SMCO2: variants seen among roughly 807,000 people sequenced by gnomAD.
SMCO2 encodes the protein single-pass membrane and coiled-coil domain-containing protein 2.
SMCO2 carries 25 observed loss-of-function variants against 29.5 expected under a neutral mutation model. The observed-to-expected ratio is 0.85, with a 90% CI of 0.62 to 1.18. The LOEUF is 1.18. SMCO2 is among the 50% of genes most tolerant of loss of function. The pLI, the probability that SMCO2 is intolerant of heterozygous loss-of-function variation, is 0.00. For synonymous variants in SMCO2, 117 were observed against 123.3 expected, an observed-to-expected ratio of 0.95 and a Z score of 0.34; for missense variants, 348 against 344.5, an observed-to-expected ratio of 1.01 and a Z score of -0.08.
rs532822095 is a variant in SMCO2, at chr12:27,494,215, G to A, written c.451-85G>A. The stretch of plus-strand genomic sequence containing the variant: ...TAAACTTCAATGAAGCATTTTATAA[G>A]GTTTGTCAAAATAAGTGAGATTTTA... On this transcript the variant is annotated intron_variant, in intron 5 of 7. Coordinates refer to ENST00000298876, the Ensembl canonical transcript of SMCO2. The A allele has an allele frequency of 4.8e-6, 4 of 836,472 alleles. No homozygotes were observed. The African/African-American group carries it at 5.4e-5, about 11-fold the overall frequency. The allele number at this position is 836,472 out of a possible 1,614,324, so 51.8% of individuals were successfully genotyped here. A position where few individuals can be genotyped will look rare whatever the true frequency, so the allele number is the denominator to read the frequency against.
At chr12:27,471,692 C>G (rs1409566194) in intron 2 of SMCO2, among the ~76,000 whole-genome samples, 2 of 152,084 alleles carry the variant, frequency 1.3e-5, no homozygotes, top group Non-Finnish European at 1.5e-5. Flanking sequence ...TACACATAGG[C>G]AAAATACTCA....
At chr12:27,470,180 G>T (rs1036281786) in intron 1 of SMCO2, among the ~76,000 whole-genome samples, 62 of 152,270 alleles carry the variant, frequency 4.1e-4, no homozygotes, top group Non-Finnish European at 7.5e-4. Context: ...AATATTAACA[G>T]TGGTTAAGTC....
At chr12:27,459,615 C>G in the SMCO2 span, among the ~76,000 whole-genome samples, 8 of 152,116 alleles carry the variant, frequency 5.3e-5, no homozygotes, top group Non-Finnish European at 1.2e-4. Context: ...ACCCCGGAAC[C>G]AAAAATAAAA....
chr12:27,489,620 G>A (rs760933142), intron 5 of SMCO2, among the ~76,000 whole-genome samples: 2 of 152,080 alleles, frequency 1.3e-5, no homozygotes, highest in Non-Finnish European at 2.9e-5. Context: ...TCATTTATTT[G>A]GACCTCTTAC....
rs780488200 is a variant in SMCO2 at position 27,474,903 on chromosome 12, C to T, written c.352C>T (p.Leu118Phe). The T allele has an allele frequency of 3.9e-6, 6 of 1,550,866 alleles. No homozygotes were observed. In the East Asian group the frequency reaches 1.5e-4, roughly 38 times the overall value. ...ATCTCTGCAGTTTTCAAAGAAGAAC[C>T]TCCTTGAACTGTAAGTCTTGACACA... Residue 118 changes from leucine to phenylalanine, a missense_variant, in exon 4 of 8, where the codon CTC becomes TTC. Physicochemically the swap from Leu to Phe is conservative, Grantham distance 22. Coordinates refer to ENST00000298876, the Ensembl canonical transcript of SMCO2.
intron 4 of SMCO2, among the ~76,000 whole-genome samples, chr12:27,481,255 C>T (rs2135557807): frequency 6.6e-6 from 1 of 152,310 alleles, no homozygotes; most frequent in East Asian, 1.9e-4. Context: ...CCCTGACAAA[C>T]TTTGTCTGAA....
chr12:27,477,634 C>CTTTTTTTTTTTTT (rs3051833), intron 4 of SMCO2, among the ~76,000 whole-genome samples: 2 of 109,662 alleles, frequency 1.8e-5, no homozygotes, highest in Admixed American at 9.1e-5. Context: ...CTTTTTCATT[C>CTTTTTTTTTTTTT]TTTTTTTTTT....
At chr12:27,451,778 A>C in the SMCO2 span, among the ~76,000 whole-genome samples, 9,762 of 152,242 alleles carry the variant, frequency 0.064, 359 homozygotes, top group African/African-American at 0.091. Flanking sequence ...CAAATATGCA[A>C]TCTGTGAATA....
chr12:27,460,371 C>T, the SMCO2 span, among the ~76,000 whole-genome samples: 1 of 152,122 alleles, frequency 6.6e-6, no homozygotes, highest in Non-Finnish European at 1.5e-5. Flanking sequence ...GACCAGAAGC[C>T]TTATCAATTA....
intron 4 of SMCO2, among the ~76,000 whole-genome samples, chr12:27,483,712 G>A (rs944135819): frequency 3.3e-5 from 5 of 152,050 alleles, no homozygotes; most frequent in East Asian, 1.9e-4. Context: ...GGCGTGAACC[G>A]TTATGCCCAT....
intron 4 of SMCO2, among the ~76,000 whole-genome samples, chr12:27,483,662 C>T (rs994657090): frequency 6.6e-6 from 1 of 152,154 alleles, no homozygotes; most frequent in African/African-American, 2.4e-5. Context: ...TGGCCTCAAG[C>T]AATCCCCCTG....
the SMCO2 span, among the ~76,000 whole-genome samples, chr12:27,428,454 G>C: frequency 2.6e-5 from 4 of 152,110 alleles, no homozygotes; most frequent in Non-Finnish European, 5.9e-5. Context: ...TTGAGTATGT[G>C]AGCCTCAATC....
Position 27,502,073 on chromosome 12 carries a change from G to T in SMCO2, c.834G>T (p.Met278Ile). Residue 278 changes from methionine (M) to isoleucine (I), a missense_variant, in exon 8 of 8, where the codon ATG becomes ATT. Transcript: ENST00000298876. ...GCACCACATGGGACCTACGGGAGAT[G>T]AGAGAGCCTTTCTTGAATTTGGAAG... 7 of 1,544,716 alleles carry T rather than the reference G, an allele frequency of 4.5e-6. 1 individual carries two copies. Among genetic ancestry groups the T allele is most frequent in the Non-Finnish European group, 6.1e-6 (7 of 1,144,890 alleles).
chr12:27,490,148 A>C (rs1373476755), intron 5 of SMCO2, among the ~76,000 whole-genome samples: 1 of 152,246 alleles, frequency 6.6e-6, no homozygotes, highest in Admixed American at 6.5e-5. Context: ...ACTGCAGTAC[A>C]CGTACGTGAT....
Position 27,495,664 on chromosome 12 carries a change from T to G in SMCO2, c.508-16T>G. ...TTAGAATTTTTTTAAGGTACTTGATTACTCTTTTTTTTCAGGACCTTTGCA... is the reference window on the plus strand; with the variant it reads ...TTAGAATTTTTTTAAGGTACTTGATGACTCTTTTTTTTCAGGACCTTTGCA... On this transcript the variant is annotated splice_polypyrimidine_tract_variant and intron_variant, in intron 6 of 7. Coordinates refer to ENST00000298876, the Ensembl canonical transcript of SMCO2. 1 of 1,452,814 alleles carries G rather than the reference T, an allele frequency of 6.9e-7. No homozygotes were observed. The highest frequency in any genetic ancestry group is 9.2e-7 in the Non-Finnish European group (1 of 1,083,516). The allele number at this position is 1,452,814 out of a possible 1,614,324, so 90.0% of individuals were successfully genotyped here. A position where few individuals can be genotyped will look rare whatever the true frequency, so the allele number is the denominator to read the frequency against.
At chr12:27,468,230 G>T (rs546601358) in intron 1 of SMCO2, among the ~76,000 whole-genome samples, 75 of 152,274 alleles carry the variant, frequency 4.9e-4, no homozygotes, top group Middle Eastern at 3.4e-3. Flanking sequence ...CTGATGGATC[G>T]TAGCAAACAC....
chr12:27,464,074 GT>G (rs1396139652), upstream of SMCO2, among the ~76,000 whole-genome samples: 1 of 152,140 alleles, frequency 6.6e-6, no homozygotes, highest in Non-Finnish European at 1.5e-5. Context: ...TGCGAACAGC[GT>G]TTATAACTAA....
intron 4 of SMCO2, among the ~76,000 whole-genome samples, chr12:27,484,962 T>C (rs561379925): frequency 9.5e-4 from 143 of 151,056 alleles, no homozygotes; most frequent in Non-Finnish European, 1.2e-3. Flanking sequence ...TTAAGTTGCG[T>C]TGTGCCTTAT....
chr12:27,454,065 G>A, the SMCO2 span, among the ~76,000 whole-genome samples: 1 of 152,094 alleles, frequency 6.6e-6, no homozygotes, highest in Admixed American at 6.6e-5. Context: ...GCCCATTACA[G>A]CCTCAACCTC....
Sources: allele counts gnomAD v4.1 joint callset (sites outside exome capture counted in the v4.1 genomes callset), GRCh38; gene constraint gnomAD v4.1.1; transcripts MANE v1.5; gene names NCBI Gene and HGNC (gene_info 2026-07-23, HGNC 2026-07-21).